The following DTX3 variants were observed in gnomAD, a reference collection of about 807,000 sequenced individuals.
The protein encoded by DTX3 is E3 ubiquitin-protein ligase DTX3.
In DTX3, 10 loss-of-function variants were observed where a neutral mutation model predicts 27.4. The observed-to-expected ratio is 0.36, with a 90% confidence interval of 0.22 to 0.62. The LOEUF is 0.62. Ranked by LOEUF, DTX3 falls within the 20% of genes least tolerant of loss-of-function variation. The probability of loss-of-function intolerance (pLI) is 0.68; values close to 1 mark genes in which losing one functional copy is unlikely to be tolerated. For synonymous variants in DTX3, 171 were observed against 190.7 expected (o/e 0.90, Z 0.85); for missense variants, 319 against 463.8 (o/e 0.69, Z 2.87).
At position 57,608,537 on chromosome 12, in the gene DTX3, A is replaced by G. The variant is rs1469003253; in HGVS notation, c.768A>G (p.Pro256=). ...PGVQGAEHPN[P]GVRYPGTTRV... The stretch of plus-strand genomic sequence containing the variant: ...CCTCCCAGGCTGAACACCCAAACCC[A>G]GGAGTTCGGTATCCTGGCACCACAC... The change falls in exon 6 of 7, where the codon CCA becomes CCG. Residue 256 remains proline (P), a synonymous_variant. Transcript: ENST00000337737. The surrounding 1 kb of genome is among the most constrained non-coding windows in gnomAD (Gnocchi z 6.1). 16 of 1,603,912 alleles carry G rather than the reference A, an allele frequency of 1.0e-5. No homozygotes were observed. The highest frequency in any genetic ancestry group is 1.4e-5 in the Non-Finnish European group (16 of 1,172,108).
chr12:57,607,567 A>G lies in DTX3; in HGVS notation c.704A>G (p.Tyr235Cys). The G allele has an allele frequency of 6.2e-6, 10 of 1,614,194 alleles. No homozygotes were observed. Among genetic ancestry groups the G allele is most frequent in the Non-Finnish European group, 8.5e-6 (10 of 1,180,024 alleles). Residue 235 changes from tyrosine to cysteine, a missense_variant, in exon 5 of 7, where the codon TAC (tyrosine) becomes TGC (cysteine). Transcript: ENST00000337737. The surrounding 1 kb of genome is among the most constrained non-coding windows in gnomAD (Gnocchi z 7.7). Reference sequence around the variant, plus strand: ...CTCCTACTGCCCAGCTATGAGAAGTACGGCACCATTGTCATCCAGTACGTC... The same window carrying G: ...CTCCTACTGCCCAGCTATGAGAAGTGCGGCACCATTGTCATCCAGTACGTC... Reference protein sequence around the residue: ...ATLLLPSYEKYGTIVIQYVFP... With the variant: ...ATLLLPSYEKCGTIVIQYVFP...
At chr12:57,605,026 A>G (rs1331434316) in intron 1 of DTX3, 168 bp downstream of exon 1, 1 of 151,740 alleles carries the variant, frequency 6.6e-6, no homozygotes, top group East Asian at 1.9e-4. Context: ...AGCACCCTCC[A>G]GCCTTGGCCT....
At position 57,608,737 on chromosome 12, in the gene DTX3, T is replaced by A; in HGVS notation, c.968T>A (p.Leu323Gln). Residue 323 changes from leucine to glutamine, a missense_variant and splice_region_variant, in exon 6 of 7, where the codon CTG becomes CAG. Around this residue, in one of 2 missense-constraint regions of DTX3, gnomAD observed 117 missense variants for 258.5 expected, o/e 0.45. Coordinates refer to ENST00000337737, the MANE Select transcript of DTX3 (RefSeq NM_178502.4). This position sits in a 1 kb window ranked among gnomAD's most constrained non-coding sequence, Gnocchi z 6.1. ...HKTSCTGGPQ[L>Q]FGYPDPTYLT... is the part of the protein sequence containing the mutation. ...ACCAGCTGCACAGGGGGACCCCAGCTGTGCGACCCCTCTTCATTTCCTTTC... is the reference window on the plus strand; with the variant it reads ...ACCAGCTGCACAGGGGGACCCCAGCAGTGCGACCCCTCTTCATTTCCTTTC... 1 of 1,614,072 alleles carries A rather than the reference T, an allele frequency of 6.2e-7. No homozygotes were observed. Among genetic ancestry groups the A allele is most frequent in the Non-Finnish European group, 8.5e-7 (1 of 1,179,994 alleles).
chr12:57,606,576 C>G, intron 4 of DTX3, 58 bp downstream of exon 4: 1 of 1,602,464 alleles, frequency 6.2e-7, no homozygotes, highest in Non-Finnish European at 8.5e-7. Context: ...CATTTTTCCC[C>G]AAGAGGTGGG....
chr12:57,609,045 C>T (rs1169767138), intron 6 of DTX3, 32 bp from the exon 7 acceptor site: 2 of 1,602,546 alleles, frequency 1.2e-6, no homozygotes, highest in Non-Finnish European at 1.7e-6. Flanking sequence ...AAACAGCTAA[C>T]AACCCTCACC....
Position 57,607,556 on chromosome 12 carries a change from C to T in DTX3, c.693C>T (p.Ser231=). The change falls in exon 5 of 7, where the codon AGC becomes AGT. Residue 231 remains serine (S), a synonymous_variant. Transcript: ENST00000337737. This position sits in a 1 kb window ranked among gnomAD's most constrained non-coding sequence, Gnocchi z 7.7. ...AGGACGCCACCCTCCTACTGCCCAG[C>T]TATGAGAAGTACGGCACCATTGTCA... is the stretch of plus-strand genomic sequence containing the variant. The part of the protein sequence containing the change: ...VSKDATLLLP[S]YEKYGTIVIQ... 1 of 1,614,232 alleles carries T rather than the reference C, an allele frequency of 6.2e-7. No individual in the cohort carries two copies. Among genetic ancestry groups the T allele is most frequent in the Non-Finnish European group, 8.5e-7 (1 of 1,180,034 alleles).
chr12:57,607,250 A>T lies in DTX3; in HGVS notation c.387A>T (p.Pro129=), dbSNP rs1594951410. 2 of 1,568,264 alleles carry T rather than the reference A, an allele frequency of 1.3e-6. No homozygotes were observed. Among genetic ancestry groups the T allele is most frequent in the East Asian group, 4.6e-5 (2 of 43,340 alleles). ...RAGPPPLRAA[P]LLPPGARGLP... ...GCCCACCCCCTCTCCGAGCAGCCCCACTTCTGCCCCCAGGAGCTCGGGGGC... is the reference window on the plus strand; with the variant it reads ...GCCCACCCCCTCTCCGAGCAGCCCCTCTTCTGCCCCCAGGAGCTCGGGGGC... Residue 129 remains proline (P), a synonymous_variant, in exon 5 of 7, where the codon CCA becomes CCT. Transcript: ENST00000337737. This position sits in a 1 kb window ranked among gnomAD's most constrained non-coding sequence, Gnocchi z 7.7.
At position 57,607,550 on chromosome 12, in the gene DTX3, G is replaced by A. The variant is rs202247049; in HGVS notation, c.687G>A (p.Leu229=). Residue 229 remains leucine (L), a synonymous_variant, in exon 5 of 7, where the codon CTG becomes CTA. Coordinates refer to ENST00000337737, the MANE Select transcript of DTX3 (RefSeq NM_178502.4). The surrounding 1 kb of genome is among the most constrained non-coding windows in gnomAD (Gnocchi z 7.7). ...MLVSKDATLL[L]PSYEKYGTIV... The stretch of plus-strand genomic sequence containing the variant: ...TCTCTAAGGACGCCACCCTCCTACT[G>A]CCCAGCTATGAGAAGTACGGCACCA... 118 of 1,614,092 alleles carry A rather than the reference G, an allele frequency of 7.3e-5. No homozygotes were observed. The highest frequency in any genetic ancestry group is 6.6e-4 in the Middle Eastern group (4 of 6,084).
At chr12:57,606,554 C>G in intron 4 of DTX3, 36 bp downstream of exon 4, 1 of 1,609,428 alleles carries the variant, frequency 6.2e-7, no homozygotes, top group Non-Finnish European at 8.5e-7. Flanking sequence ...TCTCCCTCCC[C>G]TTTAAACAGC....
In DTX3 at chr12:57,608,229, G is replaced by A. The variant is rs543728848; in HGVS notation, c.751-291G>A. ...TTTGCTGAGTTGTCTGGAGTGTAGG[G>A]ACCAGCTAACTTCCATCACTTCTGA... On this transcript the variant is annotated intron_variant, in intron 5 of 6. Transcript: ENST00000337737. The surrounding 1 kb of genome is among the most constrained non-coding windows in gnomAD (Gnocchi z 6.1). 4.5e-4 allele frequency among the ~76,000 whole-genome samples: 68 copies of A among 152,302 alleles called. No homozygotes were observed. The highest frequency in any genetic ancestry group is 1.6e-3 in the African/African-American group (66 of 41,558).
rs1178672696 is a variant in DTX3 at position 57,607,516 on chromosome 12, G to A, written c.653G>A (p.Arg218Gln). The A allele has an allele frequency of 6.8e-6, 11 of 1,614,210 alleles. No homozygotes were observed. The highest frequency in any genetic ancestry group is 4.5e-5 in the East Asian group (2 of 44,886). ...GTGGGCAACCAGCCCCAGAATGGGCGGATGCTGGTCTCTAAGGACGCCACC... is the reference window on the plus strand; with the variant it reads ...GTGGGCAACCAGCCCCAGAATGGGCAGATGCTGGTCTCTAAGGACGCCACC... ...QLVGNQPQNG[R>Q]MLVSKDATLL... The change falls in exon 5 of 7, where the codon CGG becomes CAG. Residue 218 changes from arginine (R) to glutamine (Q), a missense_variant. Physicochemically the swap from Arg to Gln is conservative, Grantham distance 43 (BLOSUM62 1). Transcript: ENST00000337737. The surrounding 1 kb of genome is among the most constrained non-coding windows in gnomAD (Gnocchi z 7.7).
At chr12:57,606,296 G>C (rs940995462) in intron 3 of DTX3, 44 bp downstream of exon 3, 3 of 605,472 alleles carry the variant, frequency 5.0e-6, no homozygotes, top group African/African-American at 3.8e-5. Flanking sequence ...CCTTAAACTG[G>C]TTTCCTTCAT....
rs753254498 is a variant in DTX3, at chr12:57,607,623, C to G, written c.750+10C>G. 6.2e-7 allele frequency: 1 copy of G among 1,614,008 alleles called. No individual in the cohort carries two copies. ...GCCCGGTGTCCAGGGGGTAAGAAGA[C>G]CATGGCCTGCCCTTACCCTTTGGCT... On this transcript the variant is annotated intron_variant, in intron 5 of 6. Transcript: ENST00000337737. The surrounding 1 kb of genome is among the most constrained non-coding windows in gnomAD (Gnocchi z 7.7).
rs763101576 is a variant in DTX3 at position 57,607,592 on chromosome 12, C to T, written c.729C>T (p.Val243=). The T allele has an allele frequency of 6.2e-7, 1 of 1,614,176 alleles. No individual in the cohort carries two copies. Among genetic ancestry groups the T allele is most frequent in the South Asian group, 1.1e-5 (1 of 91,080 alleles). The change falls in exon 5 of 7, where the codon GTC becomes GTT. Residue 243 remains valine, a synonymous_variant. Transcript: ENST00000337737. This position sits in a 1 kb window ranked among gnomAD's most constrained non-coding sequence, Gnocchi z 7.7. ...EKYGTIVIQY[V]FPPGVQGAEH... ...ACGGCACCATTGTCATCCAGTACGT[C>T]TTCCCGCCCGGTGTCCAGGGGGTAA... is the stretch of plus-strand genomic sequence containing the variant.
chr12:57,606,851 C>T lies in DTX3; in HGVS notation c.2-14C>T. ...GGGACCCCCCACCCTGAGTCCCTTT[C>T]ACCCTGGGGGCAGTGTCGTTCGTCC... is the stretch of plus-strand genomic sequence containing the variant. On this transcript the variant is annotated splice_polypyrimidine_tract_variant and intron_variant, in intron 4 of 6. Transcript: ENST00000337737. 1 of 1,592,052 alleles carries T rather than the reference C, an allele frequency of 6.3e-7. No individual in the cohort carries two copies. Among genetic ancestry groups the T allele is most frequent in the Admixed American group, 1.7e-5 (1 of 57,662 alleles).
In DTX3 at chr12:57,607,280, C is replaced by T; in HGVS notation, c.417C>T (p.Pro139=). ...PLLPPGARGL[P]PPPPPLPPPL... The stretch of plus-strand genomic sequence containing the variant: ...TGCCCCCAGGAGCTCGGGGGCTCCC[C>T]CCTCCTCCTCCCCCCCTGCCCCCAC... The change falls in exon 5 of 7, where the codon CCC becomes CCT. Residue 139 remains proline, a synonymous_variant. Transcript: ENST00000337737. This position sits in a 1 kb window ranked among gnomAD's most constrained non-coding sequence, Gnocchi z 7.7. 1 of 1,567,418 alleles carries T rather than the reference C, an allele frequency of 6.4e-7. No individual in the cohort carries two copies. The highest frequency in any genetic ancestry group is 8.7e-7 in the Non-Finnish European group (1 of 1,155,558).
intron 4 of DTX3, 122 bp from the exon 5 acceptor site, chr12:57,606,743 T>G: frequency 6.3e-6 from 9 of 1,419,432 alleles, no homozygotes; most frequent in Non-Finnish European, 8.6e-6. Context: ...GGGTGAAGGG[T>G]TGGGGATTAG....
At position 57,607,298 on chromosome 12, in the gene DTX3, G is replaced by A; in HGVS notation, c.435G>A (p.Leu145=). The A allele has an allele frequency of 4.8e-6, 7 of 1,453,358 alleles. No homozygotes were observed. Among genetic ancestry groups the A allele is most frequent in the Non-Finnish European group, 6.5e-6 (7 of 1,083,606 alleles). The allele number at this position is 1,453,358 out of a possible 1,614,324, so 90.0% of individuals were successfully genotyped here. Residue 145 remains leucine, a synonymous_variant, in exon 5 of 7, where the codon CTG becomes CTA. Coordinates refer to ENST00000337737, the MANE Select transcript of DTX3 (RefSeq NM_178502.4). The surrounding 1 kb of genome is among the most constrained non-coding windows in gnomAD (Gnocchi z 7.7). The part of the protein sequence containing the change: ...ARGLPPPPPP[L]PPPLPPRLRE... ...GGCTCCCCCCTCCTCCTCCCCCCCT[G>A]CCCCCACCTCTTCCTCCTCGCCTTC...
chr12:57,606,346 C>T (rs1157115271), intron 3 of DTX3, 94 bp downstream of exon 3: 1 of 862,540 alleles, frequency 1.2e-6, no homozygotes, highest in Admixed American at 2.9e-5. Flanking sequence ...AACCTATACC[C>T]AGGTTTCTGT....
Sources: allele counts gnomAD v4.1 joint callset (sites outside exome capture counted in the v4.1 genomes callset), GRCh38; gene constraint gnomAD v4.1.1; regional missense constraint gnomAD v4.1.1; non-coding constraint Gnocchi (gnomAD v3.1); transcripts MANE v1.5; gene names NCBI Gene and HGNC (gene_info 2026-07-23, HGNC 2026-07-21).